Variants in RBM20 observed in about 807,000 individuals in gnomAD.
RBM20 encodes RNA-binding protein 20.
Under a neutral mutation model 110.1 loss-of-function variants are expected in RBM20, and 51 were observed. The ratio of observed to expected loss-of-function variants is 0.46; its 90% CI spans 0.37 to 0.59. The LOEUF is 0.59. Ranked by LOEUF, RBM20 falls within the 20% of genes least tolerant of loss-of-function variation. The pLI is 0.00. For synonymous variants in RBM20, 589 were observed against 618.2 expected, an observed-to-expected ratio of 0.95 and a Z score of 0.70; for missense variants, 1,512 against 1,574.9, an observed-to-expected ratio of 0.96 and a Z score of 0.68.
intron 1 of RBM20, among the ~76,000 whole-genome samples, chr10:110,662,160 G>A (rs770254568): frequency 3.9e-5 from 6 of 152,142 alleles, no homozygotes; most frequent in Non-Finnish European, 5.9e-5. Context: ...ATTCCAAATA[G>A]ATCTGTGCTT....
chr10:110,764,626 C>T (rs897747678), intron 1 of RBM20, among the ~76,000 whole-genome samples: 4 of 152,328 alleles, frequency 2.6e-5, no homozygotes, highest in East Asian at 1.9e-4. Context: ...CTCCCTCCCT[C>T]GCTTGCATAC....
rs1281858037 is a variant in RBM20, at chr10:110,821,263, A to G, written c.2656-12A>G. 6.5e-7 allele frequency: 1 copy of G among 1,547,682 alleles called. No individual in the cohort carries two copies. Among genetic ancestry groups the G allele is most frequent in the South Asian group, 1.2e-5 (1 of 83,872 alleles). On this transcript the variant is annotated splice_polypyrimidine_tract_variant and intron_variant, in intron 10 of 13. Transcript: ENST00000369519. Reference sequence around the variant, plus strand: ...AACCACCCTCTGACCTCCATTCTGCATTTTTGTACAGGAACAAGATTGGGA... The same window carrying G: ...AACCACCCTCTGACCTCCATTCTGCGTTTTTGTACAGGAACAAGATTGGGA...
rs730880186 is a variant in RBM20 at position 110,821,686 on chromosome 10, G to T, written c.3067G>T (p.Asp1023Tyr). The stretch of plus-strand genomic sequence containing the variant: ...GACAGGCCTCTCCCTGGAGGATTCA[G>T]ATTGCTACGAGAAGGAGGCAAAGGG... ...SETGLSLEDS[D>Y]CYEKEAKGVE... Residue 1023 changes from aspartate to tyrosine, a missense_variant, in exon 11 of 14, where the codon GAT (aspartate) becomes TAT (tyrosine). Asp to Tyr is a radical substitution (Grantham distance 160, BLOSUM62 -3). Coordinates refer to ENST00000369519, the MANE Select transcript of RBM20 (RefSeq NM_001134363.3). 13 of 1,551,690 alleles carry T rather than the reference G, an allele frequency of 8.4e-6. No homozygotes were observed. In the East Asian group the frequency reaches 3.2e-4, roughly 38 times the overall value.
chr10:110,646,587 A>G (rs1246096946), intron 1 of RBM20, among the ~76,000 whole-genome samples: 1 of 152,204 alleles, frequency 6.6e-6, no homozygotes, highest in East Asian at 1.9e-4. Flanking sequence ...TTGCGCACTG[A>G]CGTTTCAGTC....
rs576686072 is a variant in RBM20 at position 110,779,721 on chromosome 10, G to A, written c.192-1080G>A. Among the ~76,000 whole-genome samples the A allele has an allele frequency of 5.3e-5, 8 of 152,330 alleles. No individual in the cohort carries two copies. In the South Asian group the frequency reaches 1.7e-3, roughly 32 times the overall value. On this transcript the variant is annotated intron_variant, in intron 1 of 13. Transcript: ENST00000369519. ...CCAGCTGGTGTCCACTGCAGAACTG[G>A]TTGCTTGCTTGGTGTGTGGAGAAAA...
chr10:110,808,679 A>T (rs1844724964), intron 7 of RBM20, among the ~76,000 whole-genome samples: 1 of 152,028 alleles, frequency 6.6e-6, no homozygotes, highest in Admixed American at 6.6e-5. Context: ...TCACTTGAAC[A>T]TTTTATATCT....
chr10:110,694,982 G>A (rs954352279), intron 1 of RBM20, among the ~76,000 whole-genome samples: 3 of 152,104 alleles, frequency 2.0e-5, no homozygotes, highest in East Asian at 1.9e-4. Flanking sequence ...GTGGTTCAAA[G>A]GTTGTGTCCT....
rs577544554 is a variant in RBM20 at position 110,728,430 on chromosome 10, T to C, written c.192-52371T>C. On this transcript the variant is annotated intron_variant, in intron 1 of 13. Transcript: ENST00000369519. ...CAGGAAAGGGAAAAAGCCACACTTT[T>C]TTTTTGGATAAGGTTGATTCTTTAC... Among the ~76,000 whole-genome samples, 8 of 152,350 alleles carry C rather than the reference T, an allele frequency of 5.3e-5. 1 individual carries two copies. The South Asian group carries it at 1.7e-3, about 32-fold the overall frequency.
At chr10:110,805,613 G>A (rs1393264425) in intron 7 of RBM20, among the ~76,000 whole-genome samples, 2 of 152,218 alleles carry the variant, frequency 1.3e-5, no homozygotes, top group Non-Finnish European at 2.9e-5. Flanking sequence ...ACCTTCACTG[G>A]TGGAGAAAGT....
intron 1 of RBM20, among the ~76,000 whole-genome samples, chr10:110,764,990 G>A (rs762646275): frequency 6.6e-6 from 1 of 151,576 alleles, no homozygotes. Context: ...CACCCCCTCC[G>A]TTTTAAAAAA....
chr10:110,676,915 A>G (rs1199340064), intron 1 of RBM20, among the ~76,000 whole-genome samples: 1 of 152,236 alleles, frequency 6.6e-6, no homozygotes, highest in African/African-American at 2.4e-5. Context: ...GTCACTTTAG[A>G]ATTTTAAAAT....
At chr10:110,665,043 T>A (rs1277685916) in intron 1 of RBM20, among the ~76,000 whole-genome samples, 1 of 150,190 alleles carries the variant, frequency 6.7e-6, no homozygotes, top group Non-Finnish European at 1.5e-5. Flanking sequence ...GCCTGGCTAC[T>A]TTTTTTTTTC....
rs1281941173 is a variant in RBM20 at position 110,767,661 on chromosome 10, C to T, written c.192-13140C>T. On this transcript the variant is annotated intron_variant, in intron 1 of 13. Transcript: ENST00000369519. ...CTCACCTCCCAGACGGGGTCACGGC[C>T]GGGTAGAGGCGCTCCTCACATCCCA... Among the ~76,000 whole-genome samples, 22 of 150,978 alleles carry T rather than the reference C, an allele frequency of 1.5e-4. No homozygotes were observed. The East Asian group carries it at 4.2e-3, about 28-fold the overall frequency.
Position 110,790,036 on chromosome 10 carries a change from G to A in RBM20, c.1527+5147G>A, listed in dbSNP as rs573280043. On this transcript the variant is annotated intron_variant, in intron 5 of 13. Coordinates refer to ENST00000369519, the MANE Select transcript of RBM20 (RefSeq NM_001134363.3). ...TGTCACAGATGGGCCACCCTGACCT[G>A]GGATGATACACATCGTTTTTATTAT... Among the ~76,000 whole-genome samples the A allele has an allele frequency of 2.0e-5, 3 of 152,234 alleles. No individual in the cohort carries two copies. In the East Asian group the frequency reaches 5.8e-4, roughly 29 times the overall value.
intron 1 of RBM20, among the ~76,000 whole-genome samples, chr10:110,732,261 T>C (rs1004905188): frequency 5.3e-5 from 8 of 152,200 alleles, no homozygotes; most frequent in Admixed American, 2.0e-4. Flanking sequence ...GCTATTTCTA[T>C]GGAGAGGTTG....
Position 110,821,334 on chromosome 10 carries a change from G to A in RBM20, c.2715G>A (p.Met905Ile). ...AEGESWYPTN[M>I]EELVTVDEVG... The stretch of plus-strand genomic sequence containing the variant: ...GGGAGAGCTGGTATCCCACTAACAT[G>A]GAGGAGCTGGTGACAGTGGACGAGG... The change falls in exon 11 of 14, where the codon ATG (methionine) becomes ATA (isoleucine). Residue 905 changes from methionine to isoleucine, a missense_variant. Coordinates refer to ENST00000369519, the MANE Select transcript of RBM20 (RefSeq NM_001134363.3). 1 of 1,551,730 alleles carries A rather than the reference G, an allele frequency of 6.4e-7. No individual in the cohort carries two copies. The highest frequency in any genetic ancestry group is 8.7e-7 in the Non-Finnish European group (1 of 1,146,972).
chr10:110,729,693 C>G (rs1469891585), intron 1 of RBM20, among the ~76,000 whole-genome samples: 3 of 152,218 alleles, frequency 2.0e-5, no homozygotes, highest in Non-Finnish European at 2.9e-5. Context: ...CCCTTGTACC[C>G]TGGCTGTAGC....
chr10:110,667,618 C>A (rs1862197040), intron 1 of RBM20, among the ~76,000 whole-genome samples: 1 of 152,188 alleles, frequency 6.6e-6, no homozygotes, highest in Non-Finnish European at 1.5e-5. Context: ...ACCTTGTTTG[C>A]CTCTTACAGC....
rs763651638 is a variant in RBM20, at chr10:110,772,243, A to G, written c.192-8558A>G. ...GTCTTTGTAGATGAGAGAATTTTATAATAAAGTATTTTTGGTATTTCATTT... is the reference window on the plus strand; with the variant it reads ...GTCTTTGTAGATGAGAGAATTTTATGATAAAGTATTTTTGGTATTTCATTT... On this transcript the variant is annotated intron_variant, in intron 1 of 13. Coordinates refer to ENST00000369519, the MANE Select transcript of RBM20 (RefSeq NM_001134363.3). Among the ~76,000 whole-genome samples, 34 of 152,264 alleles carry G rather than the reference A, an allele frequency of 2.2e-4. 1 individual carries two copies. Among genetic ancestry groups the G allele is most frequent in the Non-Finnish European group, 5.0e-4 (34 of 68,052 alleles).
Sources: allele counts gnomAD v4.1 joint callset (sites outside exome capture counted in the v4.1 genomes callset), GRCh38; gene constraint gnomAD v4.1.1; transcripts MANE v1.5; gene names NCBI Gene and HGNC (gene_info 2026-07-23, HGNC 2026-07-21).